Variants in PDZD2 observed in about 807,000 individuals in gnomAD.
PDZD2 encodes PDZ domain-containing protein 2.
A neutral mutation model predicts 220.7 loss-of-function variants in PDZD2; 90 were observed. That is an observed-to-expected ratio of 0.41 (90% CI 0.34 to 0.49). The LOEUF is 0.49. PDZD2 is among the 20% of genes least tolerant of loss of function. The pLI, the probability that PDZD2 is intolerant of heterozygous loss-of-function variation, is 0.28. For missense variants in PDZD2, 3,174 were observed against 3,608.5 expected, an observed-to-expected ratio of 0.88 and a Z score of 3.08; for synonymous variants, 1,375 against 1,450.5, an observed-to-expected ratio of 0.95 and a Z score of 1.18.
At chr5:32,068,875 C>T (rs1740469132) in intron 14 of PDZD2, among the ~76,000 whole-genome samples, 1 of 152,098 alleles carries the variant, frequency 6.6e-6, no homozygotes, top group Admixed American at 6.5e-5. Context: ...GGAGGACATG[C>T]ATGTAAATGT....
chr5:31,648,852 C>T (rs1318011045), intron 1 of PDZD2, among the ~76,000 whole-genome samples: 2 of 151,992 alleles, frequency 1.3e-5, no homozygotes, highest in South Asian at 2.1e-4. Context: ...CGTTATCCCT[C>T]GAGTCCATAG....
intron 1 of PDZD2, among the ~76,000 whole-genome samples, chr5:31,794,224 C>T (rs1467130850): frequency 2.0e-5 from 3 of 152,066 alleles, no homozygotes; most frequent in Admixed American, 6.6e-5. Flanking sequence ...CACCATCTGA[C>T]GTCATAGTGT....
chr5:31,938,234 T>C (rs1458784743), intron 2 of PDZD2, among the ~76,000 whole-genome samples: 1 of 152,214 alleles, frequency 6.6e-6, no homozygotes, highest in Non-Finnish European at 1.5e-5. Flanking sequence ...CTGTTGATTT[T>C]TTAATATCAT....
At chr5:31,897,742 G>A (rs1323537109) in intron 2 of PDZD2, among the ~76,000 whole-genome samples, 2 of 57,530 alleles carry the variant, frequency 3.5e-5, no homozygotes, top group East Asian at 4.9e-4. Context: ...TTGACTGTTG[G>A]CTTTTTTTTT....
chr5:31,977,216 A>G (rs114526363), intron 2 of PDZD2, among the ~76,000 whole-genome samples: 2,854 of 152,212 alleles, frequency 0.019, 73 homozygotes, highest in African/African-American at 0.064. Flanking sequence ...AGTACCCGCC[A>G]TGGGTTCACA....
intron 6 of PDZD2, among the ~76,000 whole-genome samples, chr5:32,023,067 C>G (rs1054435237): frequency 6.6e-6 from 1 of 152,180 alleles, no homozygotes; most frequent in African/African-American, 2.4e-5. Flanking sequence ...AATGGGAGGT[C>G]ACCTGCCAGT....
intron 2 of PDZD2, among the ~76,000 whole-genome samples, chr5:31,818,470 A>G (rs115694601): frequency 0.012 from 1,894 of 152,172 alleles, 30 homozygotes; most frequent in African/African-American, 0.044. Context: ...TCTGCAAACC[A>G]GACCTTCTAA....
At chr5:31,806,666 T>A (rs537065920) in intron 2 of PDZD2, among the ~76,000 whole-genome samples, 2 of 152,322 alleles carry the variant, frequency 1.3e-5, no homozygotes, top group South Asian at 2.1e-4. Flanking sequence ...AATGTTCTAC[T>A]TACTTGTTTG....
intron 2 of PDZD2, among the ~76,000 whole-genome samples, chr5:31,802,325 T>C (rs549015994): frequency 6.6e-6 from 1 of 152,244 alleles, no homozygotes; most frequent in African/African-American, 2.4e-5. Context: ...CAGAAGCCCA[T>C]AGAGGTTTAG....
At chr5:31,711,844 A>G (rs962941429) in intron 1 of PDZD2, among the ~76,000 whole-genome samples, 3 of 152,248 alleles carry the variant, frequency 2.0e-5, no homozygotes, top group African/African-American at 7.2e-5. Context: ...CACTGGCTGC[A>G]GCTCTCGAAG....
chr5:32,007,421 A>G (rs1383992128), intron 5 of PDZD2, among the ~76,000 whole-genome samples: 1 of 151,480 alleles, frequency 6.6e-6, no homozygotes, highest in Non-Finnish European at 1.5e-5. Context: ...CGGTTAATCT[A>G]GCAGAAGTAG....
chr5:31,756,940 G>A (rs995908878), intron 1 of PDZD2, among the ~76,000 whole-genome samples: 2 of 152,218 alleles, frequency 1.3e-5, no homozygotes, highest in Non-Finnish European at 2.9e-5. Context: ...TATACATTTT[G>A]GAATTTAATT....
intron 2 of PDZD2, among the ~76,000 whole-genome samples, chr5:31,924,114 ACTCTCCCCACAGTTCCAAG>A (rs1229126331): frequency 1.3e-5 from 2 of 151,844 alleles, no homozygotes; most frequent in East Asian, 1.9e-4. Context: ...GAGCTTCCAA[ACTCTCCCCACAGTTCCAAG>A]CTCTCCCCAC....
chr5:31,789,831 T>A (rs1482865443), intron 1 of PDZD2, among the ~76,000 whole-genome samples: 2 of 151,862 alleles, frequency 1.3e-5, no homozygotes, highest in African/African-American at 4.8e-5. Context: ...GGCAAGAAAA[T>A]CACTTGAACC....
chr5:31,999,219 G>T (rs1265068865), intron 4 of PDZD2, among the ~76,000 whole-genome samples: 2 of 123,938 alleles, frequency 1.6e-5, no homozygotes, highest in African/African-American at 3.0e-5. Flanking sequence ...AGTTTAGGCA[G>T]TTTATTTGTT....
intron 2 of PDZD2, among the ~76,000 whole-genome samples, chr5:31,972,324 G>A (rs1405834413): frequency 6.6e-6 from 1 of 152,078 alleles, no homozygotes; most frequent in Non-Finnish European, 1.5e-5. Flanking sequence ...ATGTTGCCTA[G>A]GCTGATCTTG....
intron 6 of PDZD2, among the ~76,000 whole-genome samples, chr5:32,034,354 ATT>A (rs753294040): frequency 0.021 from 2,778 of 131,514 alleles, 84 homozygotes; most frequent in African/African-American, 0.072. Flanking sequence ...GGAACCAGGA[ATT>A]TTTTTTTTTT....
chr5:32,101,023 G>A, intron 23 of PDZD2, 82 bp from the exon 24 acceptor site: 1 of 1,588,956 alleles, frequency 6.3e-7, no homozygotes, highest in Non-Finnish European at 8.6e-7. Flanking sequence ...TGGGGCTGGA[G>A]GCGATGCATC....
chr5:31,829,329 G>A (rs1309228704), intron 2 of PDZD2, among the ~76,000 whole-genome samples: 1 of 126,694 alleles, frequency 7.9e-6, no homozygotes, highest in Non-Finnish European at 1.7e-5. Flanking sequence ...ATTCAGCTTA[G>A]TGAATTTTTT....
Sources: gnomAD v4.1 joint callset for allele counts (sites outside exome capture counted in the v4.1 genomes callset) on GRCh38, gnomAD v4.1.1 for gene constraint, MANE v1.5 for transcripts, NCBI Gene and HGNC (gene_info 2026-07-23, HGNC 2026-07-21) for gene names.